Variants in DOCK8 observed in about 807,000 individuals in gnomAD.
DOCK8 encodes dedicator of cytokinesis 8, also known as dedicator of cytokinesis protein 8.
DOCK8 carries 141 observed loss-of-function variants against 245.6 expected under a neutral mutation model. That is an observed-to-expected ratio of 0.57 (90% confidence interval 0.50 to 0.66). DOCK8 has a LOEUF of 0.66. Among genes scored for constraint, DOCK8 ranks in the 30% least tolerant of loss-of-function variants. The probability of loss-of-function intolerance (pLI) is 0.00; values close to 1 mark genes in which losing one functional copy is unlikely to be tolerated. For synonymous variants in DOCK8, 1,168 were observed against 970.2 expected, an observed-to-expected ratio of 1.20 and a Z score of -3.79; for missense variants, 2,965 against 2,603.4, an observed-to-expected ratio of 1.14 and a Z score of -3.02.
chr9:361,379 C>T (rs543447078), intron 14 of DOCK8, among the ~76,000 whole-genome samples: 3 of 152,318 alleles, frequency 2.0e-5, no homozygotes, highest in Admixed American at 6.5e-5. Flanking sequence ...TTTAAAGTTG[C>T]ATTTTAAAAG....
chr9:248,820 C>T (rs1037680243), intron 1 of DOCK8, among the ~76,000 whole-genome samples: 1 of 152,148 alleles, frequency 6.6e-6, no homozygotes, highest in Non-Finnish European at 1.5e-5. Context: ...TTACCAAAAG[C>T]AGGGGTGCTG....
At chr9:441,221 C>G in intron 40 of DOCK8, 65 bp from the exon 41 acceptor site, 2 of 1,603,598 alleles carry the variant, frequency 1.2e-6, no homozygotes, top group South Asian at 1.1e-5. Flanking sequence ...ACAATGACCT[C>G]TGGTTGCTCT....
At chr9:402,714 G>A (rs915984168) in intron 26 of DOCK8, among the ~76,000 whole-genome samples, 1 of 152,222 alleles carries the variant, frequency 6.6e-6, no homozygotes, top group African/African-American at 2.4e-5. Flanking sequence ...TTTTTTAATA[G>A]TCACTAAAAA....
chr9:290,001 T>C (rs2130358813), intron 4 of DOCK8, among the ~76,000 whole-genome samples: 1 of 152,352 alleles, frequency 6.6e-6, no homozygotes, highest in Admixed American at 6.5e-5. Context: ...ACCACTTTCC[T>C]TTTTTACTGT....
chr9:364,555 G>T (rs961614326), intron 14 of DOCK8, among the ~76,000 whole-genome samples: 4 of 150,308 alleles, frequency 2.7e-5, no homozygotes. Context: ...GATCACTGGA[G>T]CCCAGGAGGT....
At chr9:322,676 C>G (rs2050566807) in intron 7 of DOCK8, among the ~76,000 whole-genome samples, 1 of 152,226 alleles carries the variant, frequency 6.6e-6, no homozygotes, top group South Asian at 2.1e-4. Flanking sequence ...CCACAGAGGA[C>G]TTACTACTCA....
intron 4 of DOCK8, among the ~76,000 whole-genome samples, chr9:302,825 G>A (rs1401039763): frequency 6.6e-6 from 1 of 152,000 alleles, no homozygotes; most frequent in Non-Finnish European, 1.5e-5. Context: ...CAGAATGCCT[G>A]TTATTGAAAA....
intron 1 of DOCK8, among the ~76,000 whole-genome samples, chr9:217,391 G>A (rs2046780480): frequency 4.6e-5 from 7 of 152,138 alleles, no homozygotes; most frequent in Admixed American, 4.6e-4. Context: ...AGCTTTCTTG[G>A]GGCCAGTGTT....
intron 26 of DOCK8, among the ~76,000 whole-genome samples, chr9:403,922 A>ATG (rs2055258754): frequency 1.3e-5 from 1 of 79,472 alleles, no homozygotes; most frequent in African/African-American, 8.0e-5. Flanking sequence ...ATATACATAT[A>ATG]TATATATGTG....
chr9:312,403 C>A (rs2050166488), intron 6 of DOCK8: 3 of 648,732 alleles, frequency 4.6e-6, no homozygotes, highest in African/African-American at 1.8e-5. Context: ...TAGCACTTTA[C>A]AAAATATGTT....
At chr9:398,837 TA>T (rs139884951) in intron 25 of DOCK8, among the ~76,000 whole-genome samples, 3 of 148,970 alleles carry the variant, frequency 2.0e-5, no homozygotes, top group South Asian at 2.1e-4. Flanking sequence ...TACCAGGATA[TA>T]AAAAAAAGTA....
chr9:264,256 CAGTG>C (rs1337330934), intron 1 of DOCK8, among the ~76,000 whole-genome samples: 2 of 152,216 alleles, frequency 1.3e-5, no homozygotes, highest in Admixed American at 6.5e-5. Context: ...TCTCTGAAGA[CAGTG>C]AGAAATCCTT....
At chr9:335,716 G>C (rs1393994444) in intron 11 of DOCK8, among the ~76,000 whole-genome samples, 1 of 152,046 alleles carries the variant, frequency 6.6e-6, no homozygotes. Flanking sequence ...TCTAGGTCAA[G>C]GATAACCTGA....
In DOCK8 at chr9:334,357, G is replaced by A. The variant is rs781312152; in HGVS notation, c.1258G>A (p.Glu420Lys). The part of the protein sequence containing the change: ...SFFNVSTLER[E>K]VTDVDSVVGR... ...CTTCAATGTCTCCACCCTTGAGAGG[G>A]AGGTAACTGATGTGGACTCTGTGGT... The change falls in exon 11 of 48, where the codon GAG becomes AAG. Residue 420 changes from glutamate (E) to lysine (K), a missense_variant. By Grantham distance (56) the Glu-to-Lys change is moderately conservative. Transcript: ENST00000432829. 1.9e-6 allele frequency: 3 copies of A among 1,613,958 alleles called. No individual in the cohort carries two copies. The highest frequency in any genetic ancestry group is 3.3e-5 in the Admixed American group (2 of 59,994).
chr9:367,237 T>G (rs2053049034), intron 14 of DOCK8, among the ~76,000 whole-genome samples: 1 of 152,224 alleles, frequency 6.6e-6, no homozygotes, highest in South Asian at 2.1e-4. Flanking sequence ...GGAATATACT[T>G]CATCAATTAT....
intron 2 of DOCK8, chr9:272,779 T>C (rs1229175423): frequency 1.3e-5 from 2 of 152,216 alleles, no homozygotes; most frequent in African/African-American, 4.8e-5. Flanking sequence ...ATATGTGTTA[T>C]ATTATTTGAG....
chr9:344,913 G>A (rs561655764), intron 14 of DOCK8, among the ~76,000 whole-genome samples: 28 of 152,186 alleles, frequency 1.8e-4, no homozygotes, highest in South Asian at 6.2e-4. Flanking sequence ...GTAACTGGGC[G>A]TGGTGGTGGG....
Position 376,311 on chromosome 9 carries a change from G to T in DOCK8, c.2205+6G>T. 6.3e-7 allele frequency: 1 copy of T among 1,588,540 alleles called. No individual in the cohort carries two copies. Among genetic ancestry groups the T allele is most frequent in the Non-Finnish European group, 8.6e-7 (1 of 1,156,604 alleles). ...TTTCTTCTGTACACACCCAGGTAAG[G>T]AATGTCAAGGTTAATCATGAAGGTA... On this transcript the variant is annotated splice_donor_region_variant and intron_variant, in intron 19 of 47. Transcript: ENST00000432829.
intron 4 of DOCK8, among the ~76,000 whole-genome samples, chr9:295,238 A>C (rs1370743858): frequency 6.6e-6 from 1 of 152,014 alleles, no homozygotes; most frequent in Non-Finnish European, 1.5e-5. Context: ...GGAAAAGATG[A>C]AGCTACAGGG....
Sources: allele counts gnomAD v4.1 joint callset (sites outside exome capture counted in the v4.1 genomes callset), GRCh38; gene constraint gnomAD v4.1.1; transcripts MANE v1.5; gene names NCBI Gene and HGNC (gene_info 2026-07-23, HGNC 2026-07-21).